The following ERBB4 variants were observed in gnomAD, a reference collection of about 807,000 sequenced individuals.
ERBB4 encodes the protein erb-b2 receptor tyrosine kinase 4, also known as receptor tyrosine-protein kinase erbB-4.
Under a neutral mutation model 158.0 loss-of-function variants are expected in ERBB4, and 42 were observed. The ratio of observed to expected loss-of-function variants is 0.27; its 90% confidence interval spans 0.21 to 0.34. The LOEUF is 0.34. Among genes scored for constraint, ERBB4 ranks in the 10% least tolerant of loss-of-function variants. The pLI, the probability that ERBB4 is intolerant of heterozygous loss-of-function variation, is 1.00. For synonymous variants in ERBB4, 583 were observed against 558.7 expected, an observed-to-expected ratio of 1.04 and a Z score of -0.61; for missense variants, 1,333 against 1,624.1, an observed-to-expected ratio of 0.82 and a Z score of 3.08.
rs75704268 is a variant in ERBB4, at chr2:211,440,457, T to C, written c.2488-9357A>G. 6.3e-3 allele frequency among the ~76,000 whole-genome samples: 955 copies of C among 152,296 alleles called. 11 individuals carry two copies. The highest frequency in any genetic ancestry group is 0.022 in the African/African-American group (897 of 41,564). On this transcript the variant is annotated intron_variant, in intron 20 of 27. Transcript: ENST00000342788. ...AGCTGAGCCTTTCTCTGAGCATACA[T>C]ATTGTGCAAATGCATTCAGAGACTA...
At chr2:211,632,166 A>C (rs1184753553) in intron 16 of ERBB4, among the ~76,000 whole-genome samples, 2 of 152,090 alleles carry the variant, frequency 1.3e-5, no homozygotes, top group African/African-American at 4.8e-5. Context: ...TAATTCAGCT[A>C]GATTTTTCTA....
intron 3 of ERBB4, among the ~76,000 whole-genome samples, chr2:211,890,234 G>C (rs2078926516): frequency 2.2e-5 from 2 of 92,526 alleles, no homozygotes; most frequent in Non-Finnish European, 4.3e-5. Context: ...AGCCAGAAGA[G>C]AGTGGGGGCC....
At chr2:211,927,972 T>C (rs1023090098) in intron 3 of ERBB4, among the ~76,000 whole-genome samples, 3 of 152,146 alleles carry the variant, frequency 2.0e-5, no homozygotes, top group Admixed American at 6.6e-5. Context: ...GTGACACTTA[T>C]TTTTCACGTA....
Position 211,430,961 on chromosome 2 carries a change from T to C in ERBB4, c.2627A>G (p.Asn876Ser), listed in dbSNP as rs777538337. 6 of 1,613,540 alleles carry C rather than the reference T, an allele frequency of 3.7e-6. No homozygotes were observed. The highest frequency in any genetic ancestry group is 2.2e-5 in the East Asian group (1 of 44,880). Reference sequence around the variant, plus strand: ...GATACCCACCTTTCCTCCATCAGCATTGTACTCTTTTTCATCTCCTTCCAA... The same window carrying C: ...GATACCCACCTTTCCTCCATCAGCACTGTACTCTTTTTCATCTCCTTCCAA... ...RLLEGDEKEY[N>S]ADGGKMPIKW... The change falls in exon 21 of 28, where the codon AAT (asparagine) becomes AGT (serine). Residue 876 changes from asparagine (N) to serine (S), a missense_variant. Physicochemically the swap from Asn to Ser is conservative, Grantham distance 46. This residue lies in a region of ERBB4 where 314 missense variants were observed against 437.6 expected (regional missense o/e 0.72). Transcript: ENST00000342788.
At chr2:211,998,286 A>G (rs898042293) in intron 2 of ERBB4, among the ~76,000 whole-genome samples, 1 of 151,728 alleles carries the variant, frequency 6.6e-6, no homozygotes. Flanking sequence ...TTTGATCTTT[A>G]TAGTAGTGAA....
At chr2:212,056,648 T>G (rs2077581757) in intron 2 of ERBB4, among the ~76,000 whole-genome samples, 1 of 152,188 alleles carries the variant, frequency 6.6e-6, no homozygotes, top group African/African-American at 2.4e-5. Flanking sequence ...AAAAGAATTT[T>G]CAACCCAGAA....
intron 1 of ERBB4, among the ~76,000 whole-genome samples, chr2:212,276,326 C>T (rs572969353): frequency 6.6e-6 from 1 of 151,908 alleles, no homozygotes; most frequent in East Asian, 1.9e-4. Context: ...ATATTACTAT[C>T]TGGAGAGCAG....
intron 1 of ERBB4, among the ~76,000 whole-genome samples, chr2:212,398,697 A>G (rs2091101073): frequency 6.6e-6 from 1 of 152,176 alleles, no homozygotes; most frequent in Non-Finnish European, 1.5e-5. Context: ...TGCATTTAAA[A>G]GAAGGATAAT....
intron 1 of ERBB4, among the ~76,000 whole-genome samples, chr2:212,148,395 A>C (rs1406479550): frequency 6.6e-6 from 1 of 152,194 alleles, no homozygotes; most frequent in Non-Finnish European, 1.5e-5. Context: ...AGGTACAAGA[A>C]AAATAAAATT....
chr2:211,963,087 G>C (rs1270077089), intron 2 of ERBB4, among the ~76,000 whole-genome samples: 1 of 152,068 alleles, frequency 6.6e-6, no homozygotes, highest in Non-Finnish European at 1.5e-5. Flanking sequence ...ATCTTGATGG[G>C]TGTCAGGTTA....
At position 211,380,217 on chromosome 2, in the gene ERBB4, C is replaced by T; in HGVS notation, c.*3398G>A. The T allele has an allele frequency of 4.3e-6, 1 of 232,220 alleles. No individual in the cohort carries two copies. Among genetic ancestry groups the T allele is most frequent in the Non-Finnish European group, 8.5e-6 (1 of 117,454 alleles). 14.4% of individuals were successfully genotyped at this position (232,220 alleles called of 1,614,324 possible). A position where few individuals can be genotyped will look rare whatever the true frequency, so the allele number is the denominator to read the frequency against. On this transcript the variant is annotated 3_prime_UTR_variant, in exon 28 of 28. Coordinates refer to ENST00000342788, the MANE Select transcript of ERBB4 (RefSeq NM_005235.3). ...CCTAAGCTGTGCTACTAATACTATG[C>T]AGAAAACCAGGAGCTGCTTGGTAGT...
intron 3 of ERBB4, among the ~76,000 whole-genome samples, chr2:211,928,048 T>A (rs1209667491): frequency 2.0e-5 from 3 of 152,036 alleles, no homozygotes; most frequent in African/African-American, 7.2e-5. Context: ...CCTCCTGAAA[T>A]TCAGGAAAGG....
At chr2:212,428,131 AT>A (rs2091954430) in intron 1 of ERBB4, among the ~76,000 whole-genome samples, 1 of 152,122 alleles carries the variant, frequency 6.6e-6, no homozygotes, top group East Asian at 1.9e-4. Flanking sequence ...GTTTGTTGTT[AT>A]TTTTATTAAG....
intron 1 of ERBB4, among the ~76,000 whole-genome samples, chr2:212,528,550 C>T (rs1692574882): frequency 6.6e-6 from 1 of 152,118 alleles, no homozygotes; most frequent in African/African-American, 2.4e-5. Context: ...CTAATATCTC[C>T]ATTCCCAATT....
intron 2 of ERBB4, among the ~76,000 whole-genome samples, chr2:212,016,386 CA>C (rs916427531): frequency 5.5e-4 from 83 of 152,062 alleles, no homozygotes; most frequent in African/African-American, 1.9e-3. Context: ...TCGAGATAAT[CA>C]CTGTTAATTA....
intron 1 of ERBB4, among the ~76,000 whole-genome samples, chr2:212,200,554 A>G (rs2082560556): frequency 6.6e-6 from 1 of 152,126 alleles, no homozygotes; most frequent in Non-Finnish European, 1.5e-5. Flanking sequence ...TAAACCAGGT[A>G]ATAATTGTAA....
chr2:211,451,095 A>G (rs942803528), intron 20 of ERBB4, among the ~76,000 whole-genome samples: 7 of 152,218 alleles, frequency 4.6e-5, no homozygotes, highest in Admixed American at 3.3e-4. Context: ...GCAATAAACA[A>G]AAGAAAAACT....
At chr2:212,234,876 C>T (rs958779440) in intron 1 of ERBB4, among the ~76,000 whole-genome samples, 1 of 151,962 alleles carries the variant, frequency 6.6e-6, no homozygotes, top group African/African-American at 2.4e-5. Flanking sequence ...GGATATTAGC[C>T]CTTTGTCAGA....
At chr2:211,942,124 C>T (rs565968436) in intron 3 of ERBB4, among the ~76,000 whole-genome samples, 11 of 152,030 alleles carry the variant, frequency 7.2e-5, no homozygotes, top group African/African-American at 2.7e-4. Context: ...TTGTCCTTTT[C>T]GATATTAGGT....
Sources: gnomAD v4.1 joint callset for allele counts (sites outside exome capture counted in the v4.1 genomes callset) on GRCh38, gnomAD v4.1.1 for gene constraint, gnomAD v4.1.1 regional missense constraint, MANE v1.5 for transcripts, NCBI Gene and HGNC (gene_info 2026-07-23, HGNC 2026-07-21) for gene names.